CNTNAP2: variants seen among roughly 807,000 people sequenced by gnomAD.
CNTNAP2 encodes the protein contactin-associated protein-like 2.
CNTNAP2 carries 98 observed loss-of-function variants against 155.2 expected under a neutral mutation model. The observed-to-expected ratio is 0.63, with a 90% CI of 0.54 to 0.75. The LOEUF (loss-of-function observed/expected upper bound fraction) is 0.75, where lower values mean the gene tolerates loss of function less well. Ranked by LOEUF, CNTNAP2 falls within the 30% of genes least tolerant of loss-of-function variation. CNTNAP2 has a pLI of 0.00. For missense variants in CNTNAP2, 1,727 were observed against 1,688.1 expected, an observed-to-expected ratio of 1.02 and a Z score of -0.40; for synonymous variants, 651 against 631.2, an observed-to-expected ratio of 1.03 and a Z score of -0.47.
intron 4 of CNTNAP2, among the ~76,000 whole-genome samples, chr7:147,098,090 C>T (rs1196687128): frequency 6.6e-6 from 1 of 152,184 alleles, no homozygotes; most frequent in Non-Finnish European, 1.5e-5. Context: ...GTTGCCAACA[C>T]TGTAAGAACA....
intron 8 of CNTNAP2, among the ~76,000 whole-genome samples, chr7:147,214,472 T>TG (rs1803224015): frequency 1.3e-5 from 2 of 152,162 alleles, no homozygotes; most frequent in Non-Finnish European, 2.9e-5. Flanking sequence ...TTAAATTTAC[T>TG]TATGTATGTT....
intron 1 of CNTNAP2, among the ~76,000 whole-genome samples, chr7:146,200,482 T>G (rs6464734): frequency 0.34 from 51,086 of 150,850 alleles, 10,177 homozygotes; most frequent in African/African-American, 0.56. Context: ...GACAGAGCAA[T>G]ACTCCGTCTA....
intron 21 of CNTNAP2, among the ~76,000 whole-genome samples, chr7:148,364,284 G>C (rs1798687397): frequency 6.6e-6 from 1 of 152,246 alleles, no homozygotes; most frequent in South Asian, 2.1e-4. Context: ...GAGTCTGGTG[G>C]GGACATGGAG....
chr7:147,019,803 G>A (rs1211630724), intron 3 of CNTNAP2, among the ~76,000 whole-genome samples: 2 of 152,032 alleles, frequency 1.3e-5, no homozygotes, highest in Non-Finnish European at 2.9e-5. Context: ...TTCAGAGCAG[G>A]AAGAACTCAC....
intron 1 of CNTNAP2, among the ~76,000 whole-genome samples, chr7:146,597,049 C>T (rs929476242): frequency 5.3e-5 from 8 of 151,950 alleles, no homozygotes; most frequent in East Asian, 1.9e-4. Flanking sequence ...GGAAAAAAGG[C>T]ATACATCCCT....
chr7:148,388,965 GCTGCTCA>G (rs1440506807), intron 22 of CNTNAP2, among the ~76,000 whole-genome samples: 1 of 152,150 alleles, frequency 6.6e-6, no homozygotes, highest in African/African-American at 2.4e-5. Flanking sequence ...TCCCAGTTAG[GCTGCTCA>G]GGGGTCAGGG....
At chr7:146,636,548 T>C (rs933593627) in intron 1 of CNTNAP2, among the ~76,000 whole-genome samples, 3 of 152,226 alleles carry the variant, frequency 2.0e-5, no homozygotes, top group African/African-American at 7.2e-5. Context: ...ACTTAGCAAC[T>C]TTGTACTAGC....
intron 13 of CNTNAP2, among the ~76,000 whole-genome samples, chr7:147,704,968 C>T (rs1302641873): frequency 6.6e-6 from 1 of 151,924 alleles, no homozygotes; most frequent in Non-Finnish European, 1.5e-5. Context: ...TATTTCTTGG[C>T]TTGTCTAGCT....
chr7:148,183,276 C>A (rs1014837277), intron 18 of CNTNAP2, among the ~76,000 whole-genome samples: 2 of 152,204 alleles, frequency 1.3e-5, no homozygotes, highest in Non-Finnish European at 2.9e-5. Flanking sequence ...GATTCAAAGT[C>A]TTGTCCAAGG....
chr7:146,301,533 G>A (rs560789939), intron 1 of CNTNAP2, among the ~76,000 whole-genome samples: 1 of 152,132 alleles, frequency 6.6e-6, no homozygotes, highest in African/African-American at 2.4e-5. Context: ...GGGTGAGGCA[G>A]GAGAATGGTG....
At chr7:147,471,045 G>C (rs1798207777) in intron 10 of CNTNAP2, among the ~76,000 whole-genome samples, 1 of 152,142 alleles carries the variant, frequency 6.6e-6, no homozygotes, top group Non-Finnish European at 1.5e-5. Context: ...AGTGCTTCAA[G>C]GTTAAATGCT....
Position 148,406,040 on chromosome 7 carries a change from G to A in CNTNAP2, c.3716-3351G>A, listed in dbSNP as rs1014260761. On this transcript the variant is annotated intron_variant, in intron 22 of 23. Coordinates refer to ENST00000361727, the MANE Select transcript of CNTNAP2 (RefSeq NM_014141.6). ...GAGGTCAGGAGATCGAGACCATCTT[G>A]GATAACACGGTGAAACCCCGTTTCT... Among the ~76,000 whole-genome samples the A allele has an allele frequency of 9.9e-5, 15 of 152,058 alleles. No individual in the cohort carries two copies. In the East Asian group the frequency reaches 2.9e-3, roughly 30 times the overall value.
intron 18 of CNTNAP2, among the ~76,000 whole-genome samples, chr7:148,210,986 G>T (rs1795537832): frequency 6.6e-6 from 1 of 152,236 alleles, no homozygotes; most frequent in African/African-American, 2.4e-5. Flanking sequence ...AAGCAGAGTT[G>T]TGCCATGCAG....
rs71182191 is a variant in CNTNAP2, at chr7:147,290,683, C to CAA, written c.1349-9437_1349-9436dup. ...CAGTGACAGAGTGAGACTCCATCTC[C>CAA]AAAAAAAAAAAAAAAAAAAAAAGGC... On this transcript the variant is annotated intron_variant, in intron 8 of 23. Coordinates refer to ENST00000361727, the MANE Select transcript of CNTNAP2 (RefSeq NM_014141.6). Among the ~76,000 whole-genome samples the CAA allele has an allele frequency of 6.1e-3, 444 of 73,266 alleles. 17 individuals are homozygous for CAA. The highest frequency in any genetic ancestry group is 0.02 in the African/African-American group (374 of 18,890). The allele number at this position is 73,266 out of a possible 152,430, so 48.1% of individuals were successfully genotyped here. A position where few individuals can be genotyped will look rare whatever the true frequency, so the allele number is the denominator to read the frequency against.
At chr7:148,002,443 T>G (rs1297005672) in intron 15 of CNTNAP2, among the ~76,000 whole-genome samples, 1 of 152,218 alleles carries the variant, frequency 6.6e-6, no homozygotes. Context: ...ACAACATTTT[T>G]CATATAATTT....
chr7:147,801,975 C>A (rs1487983898), intron 13 of CNTNAP2, among the ~76,000 whole-genome samples: 1 of 150,714 alleles, frequency 6.6e-6, no homozygotes, highest in African/African-American at 2.4e-5. Flanking sequence ...ACCTCCCTCC[C>A]GGACGGGGTG....
chr7:146,950,995 G>A (rs914229444), intron 3 of CNTNAP2, among the ~76,000 whole-genome samples: 18 of 151,960 alleles, frequency 1.2e-4, no homozygotes, highest in East Asian at 3.9e-4. Context: ...TCTAACTGGC[G>A]TGAGATGGTA....
intron 10 of CNTNAP2, among the ~76,000 whole-genome samples, chr7:147,436,788 G>T (rs1279419162): frequency 1.3e-5 from 2 of 152,142 alleles, no homozygotes; most frequent in Non-Finnish European, 2.9e-5. Context: ...ACAACTTAGA[G>T]CAAGGCTCTT....
chr7:147,599,615 G>A (rs7797918), intron 12 of CNTNAP2, among the ~76,000 whole-genome samples: 102,929 of 151,946 alleles, frequency 0.68, 35,257 homozygotes, highest in African/African-American at 0.76. Flanking sequence ...TGAAGTTTCT[G>A]GGGAAAAAAA....
Sources: gnomAD v4.1 joint callset for allele counts (sites outside exome capture counted in the v4.1 genomes callset) on GRCh38, gnomAD v4.1.1 for gene constraint, MANE v1.5 for transcripts, NCBI Gene and HGNC (gene_info 2026-07-23, HGNC 2026-07-21) for gene names.